LRRTM4: variants seen among roughly 807,000 people sequenced by gnomAD.
The protein encoded by LRRTM4 is leucine-rich repeat transmembrane neuronal protein 4.
Under a neutral mutation model 47.6 loss-of-function variants are expected in LRRTM4, and 25 were observed. The ratio of observed to expected loss-of-function variants is 0.53; its 90% CI spans 0.38 to 0.73. LRRTM4 has a LOEUF of 0.73. Ranked by LOEUF, LRRTM4 falls within the 30% of genes least tolerant of loss-of-function variation. The pLI is 0.00. For synonymous variants in LRRTM4, 311 were observed against 269.5 expected, an observed-to-expected ratio of 1.15 and a Z score of -1.51; for missense variants, 638 against 713.4, an observed-to-expected ratio of 0.89 and a Z score of 1.20.
At chr2:76,764,237 T>G (rs1399007653) in intron 3 of LRRTM4, among the ~76,000 whole-genome samples, 3 of 152,182 alleles carry the variant, frequency 2.0e-5, no homozygotes, top group Non-Finnish European at 2.9e-5. Flanking sequence ...TGGAGAATTC[T>G]CAGCCCATGC....
intron 3 of LRRTM4, among the ~76,000 whole-genome samples, chr2:77,016,546 A>T (rs10204901): frequency 6.6e-6 from 1 of 152,154 alleles, no homozygotes; most frequent in Non-Finnish European, 1.5e-5. Context: ...ATGTTGCCTT[A>T]TATCAGCTCA....
intron 3 of LRRTM4, among the ~76,000 whole-genome samples, chr2:77,348,022 AGT>A (rs1671630927): frequency 1.4e-5 from 1 of 71,756 alleles, no homozygotes. Context: ...ACAAAACACA[AGT>A]ACACACACAC....
chr2:77,521,431 G>C (rs1360321498), intron 2 of LRRTM4, among the ~76,000 whole-genome samples: 2 of 151,788 alleles, frequency 1.3e-5, no homozygotes, highest in African/African-American at 4.8e-5. Flanking sequence ...CAGTCTTAAA[G>C]ATATTTCTCT....
Position 76,865,916 on chromosome 2 carries a change from GTT to G in LRRTM4, c.1552-117002_1552-117001del, listed in dbSNP as rs147005572. On this transcript the variant is annotated intron_variant, in intron 3 of 3. Coordinates refer to ENST00000409884, the MANE Select transcript of LRRTM4 (RefSeq NM_001134745.3). Reference sequence around the variant, plus strand: ...AAGATCACTTTACATTATGAAAAATGTTTTGACTATCAGAATTATTTTGTTGA... The same window carrying G: ...AAGATCACTTTACATTATGAAAAATGTTGACTATCAGAATTATTTTGTTGA... 6.9e-3 allele frequency among the ~76,000 whole-genome samples: 1,050 copies of G among 152,140 alleles called. 19 individuals are homozygous for G. The highest frequency in any genetic ancestry group is 0.025 in the African/African-American group (1,019 of 41,510).
At chr2:77,469,554 G>A (rs1677106147) in intron 3 of LRRTM4, among the ~76,000 whole-genome samples, 1 of 152,026 alleles carries the variant, frequency 6.6e-6, no homozygotes, top group Non-Finnish European at 1.5e-5. Context: ...GAAAGCCAAA[G>A]ACTTTATTTC....
chr2:76,901,425 C>A (rs1177771890), intron 3 of LRRTM4, among the ~76,000 whole-genome samples: 3 of 152,046 alleles, frequency 2.0e-5, no homozygotes, highest in Non-Finnish European at 2.9e-5. Context: ...TCTATATGTA[C>A]CACATTTTCT....
intron 3 of LRRTM4, among the ~76,000 whole-genome samples, chr2:77,366,849 T>C (rs1672480036): frequency 6.6e-6 from 1 of 152,030 alleles, no homozygotes; most frequent in Non-Finnish European, 1.5e-5. Flanking sequence ...TATCACTGTC[T>C]CTGTCTCAGA....
chr2:77,468,178 G>C (rs1227747196), intron 3 of LRRTM4, among the ~76,000 whole-genome samples: 1 of 152,024 alleles, frequency 6.6e-6, no homozygotes, highest in African/African-American at 2.4e-5. Context: ...CTAAAGGATA[G>C]GAAAATAGCA....
At chr2:77,112,873 C>T (rs760180992) in intron 3 of LRRTM4, among the ~76,000 whole-genome samples, 2 of 152,134 alleles carry the variant, frequency 1.3e-5, no homozygotes, top group South Asian at 2.1e-4. Context: ...TGTTGCTGGA[C>T]GGAACGCATG....
intron 3 of LRRTM4, among the ~76,000 whole-genome samples, chr2:77,513,730 T>A (rs1679105709): frequency 6.6e-6 from 1 of 152,002 alleles, no homozygotes; most frequent in Non-Finnish European, 1.5e-5. Flanking sequence ...CATGACCTGC[T>A]AATTTTTGTA....
At chr2:77,167,810 G>A (rs1341799200) in intron 3 of LRRTM4, among the ~76,000 whole-genome samples, 4 of 152,088 alleles carry the variant, frequency 2.6e-5, no homozygotes, top group Non-Finnish European at 5.9e-5. Context: ...ATGGGATGGG[G>A]GAAGGTGGGA....
chr2:76,754,374 T>C (rs1054714480), intron 3 of LRRTM4, among the ~76,000 whole-genome samples: 2 of 152,096 alleles, frequency 1.3e-5, no homozygotes, highest in East Asian at 3.9e-4. Flanking sequence ...TCATTTAACT[T>C]AGACAAAAGG....
chr2:77,463,925 G>C (rs1281374378), intron 3 of LRRTM4, among the ~76,000 whole-genome samples: 1 of 152,100 alleles, frequency 6.6e-6, no homozygotes, highest in Non-Finnish European at 1.5e-5. Flanking sequence ...CTAGTAAATA[G>C]TAGATAGTTA....
intron 3 of LRRTM4, among the ~76,000 whole-genome samples, chr2:77,388,482 C>G (rs1224475956): frequency 1.3e-5 from 2 of 152,102 alleles, no homozygotes; most frequent in Non-Finnish European, 2.9e-5. Flanking sequence ...CTTCACTTTA[C>G]TGCGGCCATT....
chr2:77,491,102 C>G (rs1015937714), intron 3 of LRRTM4, among the ~76,000 whole-genome samples: 2 of 151,346 alleles, frequency 1.3e-5, no homozygotes, highest in Admixed American at 6.6e-5. Flanking sequence ...GAGAAACAGA[C>G]AGAGAGAGAG....
chr2:77,381,797 A>G (rs1439365777), intron 3 of LRRTM4, among the ~76,000 whole-genome samples: 1 of 152,006 alleles, frequency 6.6e-6, no homozygotes, highest in African/African-American at 2.4e-5. Flanking sequence ...ACACATACAC[A>G]TTTTATGTAG....
At chr2:76,933,908 C>T (rs190300505) in intron 3 of LRRTM4, among the ~76,000 whole-genome samples, 69 of 152,134 alleles carry the variant, frequency 4.5e-4, no homozygotes, top group African/African-American at 1.7e-3. Context: ...GCTTTCCTTC[C>T]CCATTTTACT....
intron 3 of LRRTM4, among the ~76,000 whole-genome samples, chr2:76,793,355 G>C (rs368082134): frequency 3.3e-5 from 5 of 152,128 alleles, no homozygotes; most frequent in Non-Finnish European, 7.4e-5. Flanking sequence ...ATGGGACATA[G>C]ATTTTCTTGG....
intron 3 of LRRTM4, among the ~76,000 whole-genome samples, chr2:76,891,693 A>G (rs1673260106): frequency 6.6e-6 from 1 of 151,842 alleles, no homozygotes; most frequent in Non-Finnish European, 1.5e-5. Context: ...AATTGGATTC[A>G]TACCTCACAT....
Sources: allele counts gnomAD v4.1 joint callset (sites outside exome capture counted in the v4.1 genomes callset), GRCh38; gene constraint gnomAD v4.1.1; transcripts MANE v1.5; gene names NCBI Gene and HGNC (gene_info 2026-07-23, HGNC 2026-07-21).